Variants in THRB observed in about 807,000 individuals in gnomAD.
THRB encodes the protein nuclear receptor subfamily 1 group A member 2.
THRB carries 12 observed loss-of-function variants against 47.8 expected under a neutral mutation model. The observed-to-expected ratio is 0.25, with a 90% CI of 0.16 to 0.41. THRB has a LOEUF of 0.41. THRB is among the 10% of genes least tolerant of loss of function. THRB has a pLI of 1.00. For missense variants in THRB, 348 were observed against 589.2 expected (o/e 0.59, Z 4.24); for synonymous variants, 218 against 212.2 (o/e 1.03, Z -0.24).
In THRB at chr3:24,228,798, T is replaced by C. The variant is rs75964684; in HGVS notation, c.22+140A>G. On this transcript the variant is annotated intron_variant, in intron 4 of 10. Transcript: ENST00000646209. Reference sequence around the variant, plus strand: ...ATGGAAGTACATTTCTAGGGAGGTATTCACAGGATTTAATAACACTTATTG... The same window carrying C: ...ATGGAAGTACATTTCTAGGGAGGTACTCACAGGATTTAATAACACTTATTG... 0.089 allele frequency: 67,583 copies of C among 762,690 alleles called. 3,127 individuals are homozygous for C. The highest frequency in any genetic ancestry group is 0.094 in the Non-Finnish European group (41,625 of 443,086). 47.2% of individuals were successfully genotyped at this position (762,690 alleles called of 1,614,324 possible).
At chr3:24,309,968 G>A (rs1374744242) in intron 2 of THRB, among the ~76,000 whole-genome samples, 1 of 152,190 alleles carries the variant, frequency 6.6e-6, no homozygotes, top group East Asian at 1.9e-4. Flanking sequence ...AGAACATAGA[G>A]AAAAGGATTG....
intron 1 of THRB, among the ~76,000 whole-genome samples, chr3:24,475,683 C>T (rs62228859): frequency 0.034 from 5,190 of 152,134 alleles, 110 homozygotes; most frequent in South Asian, 0.059. Context: ...TATGCCTAGG[C>T]GAGAACACCA....
At position 24,117,517 on chromosome 3, in the gene THRB, G is replaced by A. The variant is rs2167116; in HGVS notation, c.*5367C>T. The A allele has an allele frequency of 0.19, 28,787 of 152,266 alleles. 4,949 individuals are homozygous for A. The highest frequency in any genetic ancestry group is 0.46 in the African/African-American group (19,196 of 41,504). The allele number at this position is 152,266 out of a possible 1,614,324, so 9.4% of individuals were successfully genotyped here. On this transcript the variant is annotated 3_prime_UTR_variant, in exon 11 of 11. Transcript: ENST00000646209. The stretch of plus-strand genomic sequence containing the variant: ...TGGGCACATGACTGAACTTGGGCCA[G>A]TGAGAATTAGGCCAGAATTTTCATT...
chr3:24,429,191 G>A (rs1253770080), intron 1 of THRB, among the ~76,000 whole-genome samples: 1 of 151,262 alleles, frequency 6.6e-6, no homozygotes, highest in Non-Finnish European at 1.5e-5. Flanking sequence ...AGGTAGCACA[G>A]AGTTGGGGAG....
chr3:24,398,637 A>G lies in THRB; in HGVS notation c.-260-61266T>C, dbSNP rs532953279. 1.2e-3 allele frequency among the ~76,000 whole-genome samples: 186 copies of G among 152,312 alleles called. 5 individuals are homozygous for G. The highest frequency in any genetic ancestry group is 1.6e-4 in the Non-Finnish European group (11 of 68,026). ...ACTTTTACACTGTTGGTGGGACTGT[A>G]AACTAGTTCAACCATTGTGGAAGTC... On this transcript the variant is annotated intron_variant, in intron 1 of 10. Transcript: ENST00000646209.
chr3:24,215,606 A>G (rs1000105434), intron 4 of THRB, among the ~76,000 whole-genome samples: 7 of 152,200 alleles, frequency 4.6e-5, no homozygotes, highest in Admixed American at 3.3e-4. Flanking sequence ...ACTGATCTCC[A>G]TAACGTTATT....
chr3:24,466,376 T>G (rs559984625), intron 1 of THRB, among the ~76,000 whole-genome samples: 47 of 152,182 alleles, frequency 3.1e-4, no homozygotes, highest in Non-Finnish European at 6.2e-4. Context: ...CCTCAACTCA[T>G]CATCCTTAGT....
At chr3:24,477,829 G>A (rs1311614671) in intron 1 of THRB, among the ~76,000 whole-genome samples, 9 of 149,952 alleles carry the variant, frequency 6.0e-5, no homozygotes, top group Non-Finnish European at 8.9e-5. Context: ...ACCTACACCC[G>A]CCCAAAAAAG....
intron 3 of THRB, among the ~76,000 whole-genome samples, chr3:24,281,345 T>C (rs566219153): frequency 2.6e-5 from 4 of 151,108 alleles, no homozygotes; most frequent in East Asian, 2.0e-4. Flanking sequence ...CTAAGCTTCA[T>C]AAGTGAAGGA....
At chr3:24,334,498 A>G (rs183663360) in intron 2 of THRB, among the ~76,000 whole-genome samples, 2 of 152,364 alleles carry the variant, frequency 1.3e-5, no homozygotes, top group Admixed American at 1.3e-4. Context: ...ACTGAACAAC[A>G]TAAAATCCCA....
intron 1 of THRB, among the ~76,000 whole-genome samples, chr3:24,379,290 G>T (rs2065520311): frequency 6.6e-6 from 1 of 151,988 alleles, no homozygotes; most frequent in Admixed American, 6.6e-5. Flanking sequence ...TCAAGCAAAG[G>T]TTTCCAATTA....
chr3:24,334,440 A>G (rs1297616014), intron 2 of THRB, among the ~76,000 whole-genome samples: 3 of 152,246 alleles, frequency 2.0e-5, no homozygotes, highest in Non-Finnish European at 4.4e-5. Flanking sequence ...AGCACATGTT[A>G]AAGTAATGCA....
rs565005402 is a variant in THRB at position 24,393,421 on chromosome 3, C to T, written c.-260-56050G>A. Among the ~76,000 whole-genome samples the T allele has an allele frequency of 2.6e-5, 4 of 152,214 alleles. No homozygotes were observed. The East Asian group carries it at 7.7e-4, about 29-fold the overall frequency. ...CTCCTGCTGAACAATTAACCTTTCA[C>T]AGAAAAGTAGCTGAGGGGAGTTTGG... is the stretch of plus-strand genomic sequence containing the variant. On this transcript the variant is annotated intron_variant, in intron 1 of 10. Transcript: ENST00000646209.
At chr3:24,465,730 T>C (rs996589682) in intron 1 of THRB, among the ~76,000 whole-genome samples, 16 of 152,168 alleles carry the variant, frequency 1.1e-4, no homozygotes, top group African/African-American at 3.9e-4. Flanking sequence ...TCTGAACCTC[T>C]AAGTCCTGGC....
At chr3:24,178,073 CTT>C (rs1195843223) in intron 5 of THRB, among the ~76,000 whole-genome samples, 3 of 152,078 alleles carry the variant, frequency 2.0e-5, no homozygotes, top group Non-Finnish European at 4.4e-5. Context: ...AAACAAGTAA[CTT>C]TTTCTTCTGA....
chr3:24,322,470 C>T (rs1175689417), intron 2 of THRB, among the ~76,000 whole-genome samples: 1 of 152,204 alleles, frequency 6.6e-6, no homozygotes, highest in African/African-American at 2.4e-5. Flanking sequence ...AGGCCCACCT[C>T]CCATCTCTGT....
At chr3:24,149,053 C>T (rs1231588219) in intron 6 of THRB, among the ~76,000 whole-genome samples, 1 of 152,084 alleles carries the variant, frequency 6.6e-6, no homozygotes, top group African/African-American at 2.4e-5. Context: ...GCAGGGTGGG[C>T]AAATCTTGCC....
intron 1 of THRB, among the ~76,000 whole-genome samples, chr3:24,418,585 A>C (rs1269221265): frequency 6.6e-6 from 1 of 151,944 alleles, no homozygotes; most frequent in African/African-American, 2.4e-5. Context: ...CTCCCACTTC[A>C]CATGCACACC....
chr3:24,189,521 T>A (rs1291415644), intron 5 of THRB, among the ~76,000 whole-genome samples: 1 of 87,664 alleles, frequency 1.1e-5, no homozygotes, highest in East Asian at 2.2e-4. Flanking sequence ...CAGTTTAATG[T>A]TTTTTTTGCC....
Sources: allele counts gnomAD v4.1 joint callset (sites outside exome capture counted in the v4.1 genomes callset), GRCh38; gene constraint gnomAD v4.1.1; transcripts MANE v1.5; gene names NCBI Gene and HGNC (gene_info 2026-07-23, HGNC 2026-07-21).